CACNA2D3: variants seen among roughly 807,000 people sequenced by gnomAD.
CACNA2D3 encodes the protein voltage-dependent calcium channel subunit alpha-2/delta-3.
CACNA2D3 carries 60 observed loss-of-function variants against 160.6 expected under a neutral mutation model. The observed-to-expected ratio is 0.37, with a 90% CI of 0.30 to 0.46. The LOEUF is 0.46. Among genes scored for constraint, CACNA2D3 ranks in the 20% least tolerant of loss-of-function variants. The probability of loss-of-function intolerance (pLI) is 1.00; values close to 1 mark genes in which losing one functional copy is unlikely to be tolerated. For synonymous variants in CACNA2D3, 558 were observed against 492.9 expected, an observed-to-expected ratio of 1.13 and a Z score of -1.75; for missense variants, 1,205 against 1,365.0, an observed-to-expected ratio of 0.88 and a Z score of 1.85.
chr3:54,912,871 T>G (rs1271278401), intron 27 of CACNA2D3, among the ~76,000 whole-genome samples: 1 of 152,128 alleles, frequency 6.6e-6, no homozygotes, highest in Non-Finnish European at 1.5e-5. Flanking sequence ...TCATCTTTAA[T>G]GAATGAAGAC....
intron 11 of CACNA2D3, among the ~76,000 whole-genome samples, chr3:54,660,867 A>C (rs1699957074): frequency 2.0e-5 from 3 of 152,098 alleles, no homozygotes; most frequent in Admixed American, 2.0e-4. Flanking sequence ...GCTCATTCCT[A>C]ATGTAAAAAT....
At chr3:54,746,233 C>G (rs767389733) in intron 11 of CACNA2D3, among the ~76,000 whole-genome samples, 6 of 152,118 alleles carry the variant, frequency 3.9e-5, no homozygotes, top group Non-Finnish European at 8.8e-5. Flanking sequence ...TTATCTTCTG[C>G]TTAAAGATTA....
intron 17 of CACNA2D3, among the ~76,000 whole-genome samples, chr3:54,853,896 C>T (rs1273816379): frequency 6.6e-6 from 1 of 152,130 alleles, no homozygotes; most frequent in East Asian, 1.9e-4. Flanking sequence ...TTGGGCCTAG[C>T]ATTGTTCACG....
chr3:54,649,036 C>T (rs1699707362), intron 11 of CACNA2D3, among the ~76,000 whole-genome samples: 1 of 152,196 alleles, frequency 6.6e-6, no homozygotes, highest in Admixed American at 6.5e-5. Context: ...AACATCCAAA[C>T]TATATCAGTT....
Position 54,387,481 on chromosome 3 carries a change from G to A in CACNA2D3, c.381+707G>A, listed in dbSNP as rs192777322. 7.2e-5 allele frequency among the ~76,000 whole-genome samples: 11 copies of A among 152,088 alleles called. No homozygotes were observed. In the East Asian group the frequency reaches 1.2e-3, roughly 16 times the overall value. The stretch of plus-strand genomic sequence containing the variant: ...AGCCTGGCCAACATGGTGAAACCCC[G>A]TCTCTACTAAAAATACAAAAATTAG... On this transcript the variant is annotated intron_variant, in intron 4 of 37. Transcript: ENST00000474759.
At chr3:54,892,759 C>A (rs1280749436) in intron 25 of CACNA2D3, among the ~76,000 whole-genome samples, 1 of 152,134 alleles carries the variant, frequency 6.6e-6, no homozygotes, top group Admixed American at 6.5e-5. Flanking sequence ...AGAAAGTCTG[C>A]TGCTGGCATT....
In CACNA2D3 at chr3:54,491,196, G is replaced by C. The variant is rs569715731; in HGVS notation, c.382-12296G>C. On this transcript the variant is annotated intron_variant, in intron 4 of 37. Transcript: ENST00000474759. ...ATTTTTGGAGTAGGACTTGTTCTTA[G>C]GGTCAGTGGTGCATTGATGTGAGAG... Among the ~76,000 whole-genome samples the C allele has an allele frequency of 5.9e-4, 90 of 152,252 alleles. 1 individual carries two copies. In the Middle Eastern group the frequency reaches 0.01, roughly 17 times the overall value.
At chr3:54,634,573 G>A (rs487433) in intron 10 of CACNA2D3, 9 of 151,320 alleles carry the variant, frequency 5.9e-5, no homozygotes, top group African/African-American at 1.5e-4. Flanking sequence ...GGGCTGAGTC[G>A]GAAAAGAGAG....
intron 11 of CACNA2D3, among the ~76,000 whole-genome samples, chr3:54,684,974 T>A (rs2106920912): frequency 6.6e-6 from 1 of 152,160 alleles, no homozygotes; most frequent in East Asian, 1.9e-4. Flanking sequence ...GTGTTTACCT[T>A]CAAATTCAGC....
chr3:54,123,685 C>G, intron 2 of CACNA2D3, 91 bp downstream of exon 2: 1 of 1,006,334 alleles, frequency 9.9e-7, no homozygotes, highest in Non-Finnish European at 1.6e-6. Context: ...GAGCCCCGAG[C>G]AGCATCAGTT....
intron 4 of CACNA2D3, among the ~76,000 whole-genome samples, chr3:54,483,097 T>G (rs896286758): frequency 1.3e-5 from 2 of 152,226 alleles, no homozygotes; most frequent in Non-Finnish European, 2.9e-5. Flanking sequence ...TTAAATGGCT[T>G]GGCATTGAGA....
chr3:54,400,955 ACT>A (rs1158162292), intron 4 of CACNA2D3, among the ~76,000 whole-genome samples: 8 of 152,246 alleles, frequency 5.3e-5, no homozygotes, highest in African/African-American at 1.2e-4. Context: ...TTGTGAGGAA[ACT>A]CTGTGAGATT....
intron 30 of CACNA2D3, among the ~76,000 whole-genome samples, chr3:54,986,459 A>G (rs969861531): frequency 6.6e-6 from 1 of 152,204 alleles, no homozygotes; most frequent in East Asian, 1.9e-4. Flanking sequence ...TGCTCCTAGC[A>G]GTAGTACACG....
chr3:54,181,244 T>C (rs1388478203), intron 2 of CACNA2D3, among the ~76,000 whole-genome samples: 1 of 152,220 alleles, frequency 6.6e-6, no homozygotes, highest in East Asian at 1.9e-4. Context: ...GATGAATAGA[T>C]ATTGGACACC....
chr3:54,748,135 C>T (rs1040627219), intron 11 of CACNA2D3, among the ~76,000 whole-genome samples: 1 of 152,160 alleles, frequency 6.6e-6, no homozygotes, highest in Non-Finnish European at 1.5e-5. Flanking sequence ...GAAACACAAG[C>T]TTTCTTCATT....
chr3:54,837,266 G>C, intron 15 of CACNA2D3, 36 bp downstream of exon 15: 3 of 1,590,898 alleles, frequency 1.9e-6, no homozygotes, highest in Non-Finnish European at 2.6e-6. Flanking sequence ...CTTGATGCTA[G>C]GAGGGTGGTT....
chr3:54,799,498 A>G (rs1235428458), intron 13 of CACNA2D3, among the ~76,000 whole-genome samples: 1 of 152,302 alleles, frequency 6.6e-6, no homozygotes, highest in South Asian at 2.1e-4. Flanking sequence ...TTAAGTTACT[A>G]TACAGATTTC....
At chr3:54,889,730 G>T (rs1200052724) in intron 24 of CACNA2D3, among the ~76,000 whole-genome samples, 1 of 152,126 alleles carries the variant, frequency 6.6e-6, no homozygotes, top group African/African-American at 2.4e-5. Context: ...ATTATTAGGG[G>T]TGTCTTTGAA....
chr3:54,210,816 A>G (rs1471359227), intron 2 of CACNA2D3, among the ~76,000 whole-genome samples: 1 of 152,218 alleles, frequency 6.6e-6, no homozygotes, highest in Non-Finnish European at 1.5e-5. Context: ...ACTAAGAGTC[A>G]GGCAGAGAGA....
Sources: allele counts gnomAD v4.1 joint callset (sites outside exome capture counted in the v4.1 genomes callset), GRCh38; gene constraint gnomAD v4.1.1; transcripts MANE v1.5; gene names NCBI Gene and HGNC (gene_info 2026-07-23, HGNC 2026-07-21).